Variants in SKAP2 observed in about 807,000 individuals in gnomAD.
SKAP2 encodes src kinase associated phosphoprotein 2.
In SKAP2, 28 loss-of-function variants were observed where a neutral mutation model predicts 54.9. The observed-to-expected ratio is 0.51, with a 90% confidence interval of 0.38 to 0.70. SKAP2 has a LOEUF of 0.70. Among genes scored for constraint, SKAP2 ranks in the 30% least tolerant of loss-of-function variants. The probability of loss-of-function intolerance (pLI) is 0.00; values close to 1 mark genes in which losing one functional copy is unlikely to be tolerated. For missense variants in SKAP2, 356 were observed against 424.1 expected (o/e 0.84, Z 1.41); for synonymous variants, 137 against 134.3 (o/e 1.02, Z -0.14).
intron 4 of SKAP2, among the ~76,000 whole-genome samples, chr7:26,817,022 T>A (rs1460851427): frequency 6.6e-6 from 1 of 152,106 alleles, no homozygotes; most frequent in African/African-American, 2.4e-5. Context: ...AACTCACTTT[T>A]CCTCATCAAA....
chr7:26,694,911 T>G (rs1413766972), intron 9 of SKAP2, among the ~76,000 whole-genome samples: 2 of 152,178 alleles, frequency 1.3e-5, no homozygotes, highest in Non-Finnish European at 2.9e-5. Flanking sequence ...TCTGTCTAGC[T>G]ATGCAGTTTT....
At chr7:26,857,625 T>C in intron 1 of SKAP2, 1 of 985,380 alleles carries the variant, frequency 1.0e-6, no homozygotes, top group South Asian at 4.7e-5. Context: ...AGCTCTGCCC[T>C]CTGAGAAACG....
intron 11 of SKAP2, among the ~76,000 whole-genome samples, chr7:26,681,110 C>T (rs1028205127): frequency 6.6e-6 from 1 of 152,090 alleles, no homozygotes; most frequent in East Asian, 1.9e-4. Flanking sequence ...TGAAAACAAC[C>T]TAATCCCCAA....
At chr7:26,761,547 T>C (rs549203793) in intron 4 of SKAP2, among the ~76,000 whole-genome samples, 1 of 152,324 alleles carries the variant, frequency 6.6e-6, no homozygotes, top group East Asian at 1.9e-4. Context: ...CTGGCTCTAA[T>C]TCGCTTTACT....
chr7:26,709,759 GA>G (rs1291728319), intron 9 of SKAP2, among the ~76,000 whole-genome samples: 2 of 152,154 alleles, frequency 1.3e-5, no homozygotes, highest in Admixed American at 1.3e-4. Flanking sequence ...AAGCAAAGGA[GA>G]ATGTCATTTC....
chr7:26,722,238 C>T (rs781245658), intron 9 of SKAP2, among the ~76,000 whole-genome samples: 23 of 151,870 alleles, frequency 1.5e-4, no homozygotes, highest in African/African-American at 3.9e-4. Flanking sequence ...TATTCCTTTA[C>T]GAAGTTAGTT....
At chr7:26,679,246 C>CT (rs1219595822) in intron 11 of SKAP2, among the ~76,000 whole-genome samples, 2 of 152,200 alleles carry the variant, frequency 1.3e-5, no homozygotes, top group African/African-American at 4.8e-5. Context: ...TTGCTTTCAT[C>CT]TGCCAACATT....
chr7:26,823,044 T>G (rs1784413138), intron 4 of SKAP2, among the ~76,000 whole-genome samples: 1 of 152,120 alleles, frequency 6.6e-6, no homozygotes, highest in Non-Finnish European at 1.5e-5. Context: ...AGGCCTCTTG[T>G]GCCAAACAGC....
At position 26,761,876 on chromosome 7, in the gene SKAP2, G is replaced by T. The variant is rs1782939424; in HGVS notation, c.308-21912C>A. 2.0e-5 allele frequency among the ~76,000 whole-genome samples: 3 copies of T among 152,316 alleles called. No homozygotes were observed. In the South Asian group the frequency reaches 6.2e-4, roughly 32 times the overall value. ...GATTGTGCCATTGCGCTCTAGCCAG[G>T]GCGACAGAGTGAGACTTTGTCTCCA... On this transcript the variant is annotated intron_variant, in intron 4 of 12. Coordinates refer to ENST00000345317, the MANE Select transcript of SKAP2 (RefSeq NM_003930.5).
intron 4 of SKAP2, among the ~76,000 whole-genome samples, chr7:26,770,935 T>C (rs1783176101): frequency 6.6e-6 from 1 of 152,038 alleles, no homozygotes; most frequent in South Asian, 2.1e-4. Context: ...ACATAACTTT[T>C]ATACATGTCT....
chr7:26,840,211 T>C (rs1320327614), intron 4 of SKAP2, among the ~76,000 whole-genome samples: 1 of 152,070 alleles, frequency 6.6e-6, no homozygotes, highest in Non-Finnish European at 1.5e-5. Flanking sequence ...ATTTTAGCCT[T>C]CCTGTATTCA....
At chr7:26,845,397 CTGT>C in intron 3 of SKAP2, among the ~76,000 whole-genome samples, 1 of 152,172 alleles carries the variant, frequency 6.6e-6, no homozygotes, top group South Asian at 2.1e-4. Flanking sequence ...TTGTGAGCAA[CTGT>C]CATCAGAGAC....
At chr7:26,799,076 A>G (rs1783848103) in intron 4 of SKAP2, among the ~76,000 whole-genome samples, 1 of 150,692 alleles carries the variant, frequency 6.6e-6, no homozygotes, top group African/African-American at 2.4e-5. Flanking sequence ...GGGACAGGGC[A>G]AGGCAAGGCA....
intron 5 of SKAP2, 76 bp from the exon 6 acceptor site, chr7:26,738,954 T>G: frequency 1.1e-6 from 1 of 874,684 alleles, no homozygotes; most frequent in Non-Finnish European, 1.9e-6. Context: ...ATTTCTAAGA[T>G]TCCTCTGAGC....
At position 26,853,514 on chromosome 7, in the gene SKAP2, G is replaced by T. The variant is rs551272540; in HGVS notation, c.199+623C>A. On this transcript the variant is annotated intron_variant, in intron 3 of 12. Coordinates refer to ENST00000345317, the MANE Select transcript of SKAP2 (RefSeq NM_003930.5). ...AGCAGCTGTCTCTCAAATCTAGAGG[G>T]AGACAATCAGGTTATCAGCATTCTC... is the stretch of plus-strand genomic sequence containing the variant. Among the ~76,000 whole-genome samples the T allele has an allele frequency of 5.9e-5, 9 of 152,136 alleles. 1 individual carries two copies. In the South Asian group the frequency reaches 1.9e-3, roughly 32 times the overall value.
intron 4 of SKAP2, among the ~76,000 whole-genome samples, chr7:26,829,191 C>G (rs1448449889): frequency 2.6e-5 from 4 of 152,064 alleles, no homozygotes; most frequent in Non-Finnish European, 5.9e-5. Context: ...TGATAAGCAA[C>G]TAGTATCCAG....
intron 5 of SKAP2, among the ~76,000 whole-genome samples, chr7:26,739,542 T>C (rs747441952): frequency 5.3e-5 from 8 of 152,204 alleles, no homozygotes; most frequent in Non-Finnish European, 1.0e-4. Flanking sequence ...AGTTTGGGCA[T>C]AGGAGAACCT....
At chr7:26,663,157 C>G (rs1330425673), downstream of SKAP2, among the ~76,000 whole-genome samples, 1 of 152,086 alleles carries the variant, frequency 6.6e-6, no homozygotes. Flanking sequence ...TCAAAGAACT[C>G]TACAGAATCA....
chr7:26,661,462 G>GT, the SKAP2 span, among the ~76,000 whole-genome samples: 1 of 148,872 alleles, frequency 6.7e-6, no homozygotes, highest in African/African-American at 2.6e-5. Context: ...TAGAATGTCA[G>GT]TTTAAAAAAA....
Sources: allele counts gnomAD v4.1 joint callset (sites outside exome capture counted in the v4.1 genomes callset), GRCh38; gene constraint gnomAD v4.1.1; transcripts MANE v1.5; gene names NCBI Gene and HGNC (gene_info 2026-07-23, HGNC 2026-07-21).